The following VGLL3 variants were observed in gnomAD, a reference collection of about 807,000 sequenced individuals.
VGLL3 encodes the protein vestigial like family member 3.
A neutral mutation model predicts 29.2 loss-of-function variants in VGLL3; 18 were observed. The observed-to-expected ratio is 0.62, with a 90% CI of 0.43 to 0.91. The LOEUF (loss-of-function observed/expected upper bound fraction) is 0.91. Among genes scored for constraint, VGLL3 ranks in the 40% least tolerant of loss-of-function variants. The pLI is 0.00. For synonymous variants in VGLL3, 180 were observed against 151.8 expected (o/e 1.19, Z -1.36); for missense variants, 440 against 413.2 (o/e 1.06, Z -0.56).
intron 3 of VGLL3, chr3:86,961,870 A>C (rs1704850108): frequency 3.2e-6 from 3 of 924,018 alleles, no homozygotes; most frequent in Admixed American, 6.2e-5. Context: ...AAATGTGTTC[A>C]TCAGAAAAGC....
In VGLL3 at chr3:86,945,585, T is replaced by C. The variant is rs1704491032; in HGVS notation, c.*1439A>G. On this transcript the variant is annotated 3_prime_UTR_variant, in exon 4 of 4. Transcript: ENST00000398399. ...ACTGTTACTTTCATAATCTTAATCT[T>C]CTCCTAGCAGTGTCTTAATGATAAT... 1 of 152,172 alleles carries C rather than the reference T, an allele frequency of 6.6e-6. No homozygotes were observed. The highest frequency in any genetic ancestry group is 2.4e-5 in the African/African-American group (1 of 41,462). The allele number at this position is 152,172 out of a possible 1,614,324, so 9.4% of individuals were successfully genotyped here.
At chr3:86,947,932 T>G (rs1372329612) in intron 3 of VGLL3, among the ~76,000 whole-genome samples, 1 of 152,014 alleles carries the variant, frequency 6.6e-6, no homozygotes, top group Non-Finnish European at 1.5e-5. Context: ...TTGCACGTAC[T>G]CGAAGTTACT....
rs1704326308 is a variant in VGLL3 at position 86,938,599 on chromosome 3, T to C, written c.*8425A>G. The C allele has an allele frequency of 6.6e-6, 1 of 152,650 alleles. No homozygotes were observed. The highest frequency in any genetic ancestry group is 1.5e-5 in the Non-Finnish European group (1 of 68,034). 9.5% of individuals were successfully genotyped at this position (152,650 alleles called of 1,614,324 possible). ...GTTCTTCATTCAGTCACAGCCAAAC[T>C]TGGTATGGAAAGTAAAACAGTTGTG... On this transcript the variant is annotated 3_prime_UTR_variant, in exon 4 of 4. Coordinates refer to ENST00000398399, the MANE Select transcript of VGLL3 (RefSeq NM_016206.4).
At chr3:86,984,550 G>A (rs1705396138) in intron 1 of VGLL3, among the ~76,000 whole-genome samples, 1 of 152,158 alleles carries the variant, frequency 6.6e-6, no homozygotes, top group Non-Finnish European at 1.5e-5. Flanking sequence ...ATGAGGGTAT[G>A]TGTTCTCTCT....
At chr3:86,980,867 T>G (rs918337378) in intron 1 of VGLL3, among the ~76,000 whole-genome samples, 4 of 151,914 alleles carry the variant, frequency 2.6e-5, no homozygotes, top group African/African-American at 9.7e-5. Flanking sequence ...CCCTAAAACC[T>G]ATCTACATGG....
chr3:86,960,636 T>C (rs1704818157), intron 3 of VGLL3, among the ~76,000 whole-genome samples: 1 of 152,142 alleles, frequency 6.6e-6, no homozygotes. Flanking sequence ...TTGTTCCCTC[T>C]GTCTGGCAAA....
chr3:86,940,020 A>C lies in VGLL3; in HGVS notation c.*7004T>G, dbSNP rs1042932012. ...GTAGTAATATTTTACAGCAGTTCTA[A>C]AAATCTCATTTTGACACCACATTCT... On this transcript the variant is annotated 3_prime_UTR_variant, in exon 4 of 4. Coordinates refer to ENST00000398399, the MANE Select transcript of VGLL3 (RefSeq NM_016206.4). The C allele has an allele frequency of 3.3e-5, 5 of 152,248 alleles. No homozygotes were observed. The highest frequency in any genetic ancestry group is 1.2e-4 in the African/African-American group (5 of 41,472). 9.4% of individuals were successfully genotyped at this position (152,248 alleles called of 1,614,324 possible). A position where few individuals can be genotyped will look rare whatever the true frequency, so the allele number is the denominator to read the frequency against.
chr3:86,990,272 A>C, intron 1 of VGLL3: 1 of 977,088 alleles, frequency 1.0e-6, no homozygotes, highest in South Asian at 4.7e-5. Context: ...AATAAACAAA[A>C]TAGTTGGTTG....
At chr3:86,963,263 A>T (rs982259382) in intron 3 of VGLL3, among the ~76,000 whole-genome samples, 1 of 152,230 alleles carries the variant, frequency 6.6e-6, no homozygotes, top group African/African-American at 2.4e-5. Context: ...GCCCCAAAAA[A>T]GAATGACTTT....
Position 86,985,545 on chromosome 3 carries a change from A to G in VGLL3, c.126+5073T>C, listed in dbSNP as rs571731309. Reference sequence around the variant, plus strand: ...AATTACTGGCGTAAATCTGGTATCCACTGAACTATCAGTAAATATGGATTT... The same window carrying G: ...AATTACTGGCGTAAATCTGGTATCCGCTGAACTATCAGTAAATATGGATTT... On this transcript the variant is annotated intron_variant, in intron 1 of 3. Transcript: ENST00000398399. 2.0e-5 allele frequency among the ~76,000 whole-genome samples: 3 copies of G among 152,310 alleles called. No homozygotes were observed. The South Asian group carries it at 6.2e-4, about 32-fold the overall frequency.
intron 1 of VGLL3, among the ~76,000 whole-genome samples, chr3:86,986,975 A>G (rs1028853321): frequency 3.3e-5 from 5 of 152,022 alleles, no homozygotes; most frequent in Middle Eastern, 3.2e-3. Context: ...TCTTCATTAG[A>G]AAAAAAATTG....
chr3:86,954,123 C>G (rs1037617426), intron 3 of VGLL3, among the ~76,000 whole-genome samples: 4 of 152,282 alleles, frequency 2.6e-5, no homozygotes, highest in African/African-American at 9.6e-5. Flanking sequence ...AAAATCTCCA[C>G]GTAGTAGTAT....
At chr3:86,949,801 TG>T (rs1704580275) in intron 3 of VGLL3, among the ~76,000 whole-genome samples, 1 of 137,220 alleles carries the variant, frequency 7.3e-6, no homozygotes, top group African/African-American at 2.8e-5. Flanking sequence ...CACTCCAGCC[TG>T]GGTGACAGAG....
Position 86,946,765 on chromosome 3 carries a change from A to G in VGLL3, c.*259T>C, listed in dbSNP as rs1261048926. On this transcript the variant is annotated 3_prime_UTR_variant, in exon 4 of 4. Transcript: ENST00000398399. ...AAAAACTTAGCTATATATTGATAAA[A>G]GCAAGATAACAAAAGGAGAGAGTTG... 10 of 376,296 alleles carry G rather than the reference A, an allele frequency of 2.7e-5. No individual in the cohort carries two copies. The highest frequency in any genetic ancestry group is 4.3e-5 in the Non-Finnish European group (9 of 210,174). 23.3% of individuals were successfully genotyped at this position (376,296 alleles called of 1,614,324 possible).
chr3:86,987,996 T>G (rs1705487818), intron 1 of VGLL3, among the ~76,000 whole-genome samples: 1 of 152,204 alleles, frequency 6.6e-6, no homozygotes, highest in Non-Finnish European at 1.5e-5. Flanking sequence ...CAATGTTATA[T>G]GATCATTTGT....
At chr3:86,975,340 T>C (rs1032506810) in intron 2 of VGLL3, among the ~76,000 whole-genome samples, 1 of 152,220 alleles carries the variant, frequency 6.6e-6, no homozygotes, top group Non-Finnish European at 1.5e-5. Context: ...CGTTTGTGGC[T>C]TTCCTATAAA....
intron 3 of VGLL3, among the ~76,000 whole-genome samples, chr3:86,947,321 C>T (rs1559718411): frequency 6.6e-6 from 1 of 152,022 alleles, no homozygotes; most frequent in Non-Finnish European, 1.5e-5. Flanking sequence ...AAATTATTTG[C>T]TATATTTTTT....
chr3:86,968,964 G>C lies in VGLL3; in HGVS notation c.563C>G (p.Pro188Arg). The change falls in exon 3 of 4, where the codon CCG (proline) becomes CGG (arginine). Residue 188 changes from proline (P) to arginine (R), a missense_variant. Pro to Arg is a moderately radical substitution (Grantham distance 103). Transcript: ENST00000398399. ...GCCAGTCTGATGCAGGTTGTGTCCC[G>C]GCCAAGGACTGGGATCAGCTGCAGA... The part of the protein sequence containing the change: ...TFSAADPSPW[P>R]GHNLHQTGPA... 1 of 1,614,082 alleles carries C rather than the reference G, an allele frequency of 6.2e-7. No individual in the cohort carries two copies. Among genetic ancestry groups the C allele is most frequent in the Non-Finnish European group, 8.5e-7 (1 of 1,180,018 alleles).
At chr3:86,989,313 AT>A (rs1014226642) in intron 1 of VGLL3, among the ~76,000 whole-genome samples, 9 of 151,926 alleles carry the variant, frequency 5.9e-5, no homozygotes, top group East Asian at 1.9e-4. Context: ...GCTGCTGAAT[AT>A]TTTTTTTAAG....
Sources: gnomAD v4.1 joint callset for allele counts (sites outside exome capture counted in the v4.1 genomes callset) on GRCh38, gnomAD v4.1.1 for gene constraint, MANE v1.5 for transcripts, NCBI Gene and HGNC (gene_info 2026-07-23, HGNC 2026-07-21) for gene names.